The following CADM2 variants were observed in gnomAD, a reference collection of about 807,000 sequenced individuals.
CADM2 encodes cell adhesion molecule 2, also known as immunoglobulin superfamily member 4D.
In CADM2, 12 loss-of-function variants were observed where a neutral mutation model predicts 49.8. That is an observed-to-expected ratio of 0.24 (90% confidence interval 0.15 to 0.39). CADM2 has a LOEUF of 0.39. Among genes scored for constraint, CADM2 ranks in the 10% least tolerant of loss-of-function variants. CADM2 has a pLI of 1.00. For missense variants in CADM2, 378 were observed against 492.3 expected, an observed-to-expected ratio of 0.77 and a Z score of 2.20; for synonymous variants, 214 against 175.4, an observed-to-expected ratio of 1.22 and a Z score of -1.74.
At chr3:85,707,393 C>CTTTTTT (rs34006416) in intron 1 of CADM2, among the ~76,000 whole-genome samples, 1 of 128,664 alleles carries the variant, frequency 7.8e-6, no homozygotes, top group African/African-American at 2.9e-5. Flanking sequence ...ATCATTGTAT[C>CTTTTTT]TTTTTTTTTT....
chr3:86,014,186 TATAA>T (rs1434823848), intron 8 of CADM2: 54 of 1,293,656 alleles, frequency 4.2e-5, no homozygotes, highest in Non-Finnish European at 5.4e-5. Context: ...GTTCAGATGG[TATAA>T]ATAGTGACAC....
At chr3:85,862,350 G>C (rs147385526) in intron 3 of CADM2, among the ~76,000 whole-genome samples, 57 of 152,154 alleles carry the variant, frequency 3.7e-4, no homozygotes, top group African/African-American at 1.3e-3. Context: ...TCTCTAACTA[G>C]ATGATTCTAA....
chr3:85,611,750 C>T (rs908025940), intron 1 of CADM2, among the ~76,000 whole-genome samples: 13 of 149,682 alleles, frequency 8.7e-5, no homozygotes, highest in Admixed American at 6.7e-4. Context: ...TTTGGTAAGC[C>T]GTTGAAGCAC....
At chr3:85,665,094 G>A (rs1007440377) in intron 1 of CADM2, among the ~76,000 whole-genome samples, 1 of 151,910 alleles carries the variant, frequency 6.6e-6, no homozygotes, top group Non-Finnish European at 1.5e-5. Context: ...TGCATTAGGA[G>A]CTGTTATTAT....
chr3:85,328,465 A>G (rs1304193798), intron 1 of CADM2, among the ~76,000 whole-genome samples: 2 of 152,194 alleles, frequency 1.3e-5, no homozygotes, highest in Admixed American at 1.3e-4. Flanking sequence ...TCTGATGCTA[A>G]TTGGAATGCT....
At chr3:85,932,285 C>T (rs1040099020) in intron 6 of CADM2, among the ~76,000 whole-genome samples, 1 of 152,150 alleles carries the variant, frequency 6.6e-6, no homozygotes, top group Admixed American at 6.6e-5. Context: ...GAAGGAGAAA[C>T]GTTGGGGAAA....
chr3:85,021,255 A>G (rs1167555397), intron 1 of CADM2, among the ~76,000 whole-genome samples: 2 of 152,164 alleles, frequency 1.3e-5, no homozygotes, highest in African/African-American at 4.8e-5. Flanking sequence ...AGAAGCACAG[A>G]TTCTTGCTTT....
chr3:85,720,242 GT>G (rs1285385235), intron 1 of CADM2, among the ~76,000 whole-genome samples: 1 of 152,092 alleles, frequency 6.6e-6, no homozygotes, highest in Admixed American at 6.6e-5. Context: ...GACTTTGGAA[GT>G]TCAATGTAGA....
intron 1 of CADM2, among the ~76,000 whole-genome samples, chr3:85,602,643 C>A (rs548795180): frequency 6.6e-6 from 1 of 151,776 alleles, no homozygotes; most frequent in East Asian, 1.9e-4. Flanking sequence ...AATGCTTATA[C>A]CTGTATTTGA....
chr3:85,920,150 A>T (rs1718911659), intron 6 of CADM2, among the ~76,000 whole-genome samples: 1 of 151,856 alleles, frequency 6.6e-6, no homozygotes, highest in South Asian at 2.1e-4. Context: ...GTTTCAGGAT[A>T]TATCAGCTTA....
chr3:85,639,658 T>G (rs2064644076), intron 1 of CADM2, among the ~76,000 whole-genome samples: 1 of 152,166 alleles, frequency 6.6e-6, no homozygotes, highest in South Asian at 2.1e-4. Context: ...TTATGTTATT[T>G]TATTAGTAAC....
At chr3:85,662,901 T>C (rs2065452818) in intron 1 of CADM2, among the ~76,000 whole-genome samples, 1 of 152,082 alleles carries the variant, frequency 6.6e-6, no homozygotes, top group Non-Finnish European at 1.5e-5. Flanking sequence ...ACCCATATTA[T>C]ACCACACAAG....
chr3:85,759,406 C>T (rs978915309), intron 2 of CADM2, among the ~76,000 whole-genome samples: 15 of 152,130 alleles, frequency 9.9e-5, no homozygotes, highest in South Asian at 2.1e-4. Flanking sequence ...TACAGTATAA[C>T]GCAATGCAAC....
chr3:85,121,440 A>G (rs1445322007), intron 1 of CADM2, among the ~76,000 whole-genome samples: 1 of 152,172 alleles, frequency 6.6e-6, no homozygotes, highest in Non-Finnish European at 1.5e-5. Flanking sequence ...GTAAGTGACA[A>G]TCACTAAGAG....
intron 8 of CADM2, among the ~76,000 whole-genome samples, chr3:86,050,315 G>A (rs1013473760): frequency 5.3e-5 from 8 of 152,160 alleles, no homozygotes; most frequent in Admixed American, 2.6e-4. Context: ...CTAAAGCCTC[G>A]AGCAGCTCCA....
chr3:85,167,801 A>G (rs2040510944), intron 1 of CADM2, among the ~76,000 whole-genome samples: 1 of 152,172 alleles, frequency 6.6e-6, no homozygotes, highest in African/African-American at 2.4e-5. Flanking sequence ...TAAAAAGTAA[A>G]TCAGAGAGAA....
chr3:85,723,744 CATT>C (rs891496130), intron 1 of CADM2, among the ~76,000 whole-genome samples: 2 of 152,022 alleles, frequency 1.3e-5, no homozygotes. Context: ...CTTTATCCAT[CATT>C]ATTTCACTAA....
chr3:85,703,224 C>T (rs1368901894), intron 1 of CADM2, among the ~76,000 whole-genome samples: 2 of 151,988 alleles, frequency 1.3e-5, no homozygotes, highest in Non-Finnish European at 2.9e-5. Context: ...AGAGTTCTTC[C>T]CTCAAACCCC....
chr3:85,272,541 G>T (rs1310855011), intron 1 of CADM2, among the ~76,000 whole-genome samples: 3 of 151,350 alleles, frequency 2.0e-5, no homozygotes, highest in African/African-American at 7.2e-5. Flanking sequence ...ATAGAAGAAT[G>T]ATATTAAATA....
Sources: allele counts gnomAD v4.1 joint callset (sites outside exome capture counted in the v4.1 genomes callset), GRCh38; gene constraint gnomAD v4.1.1; transcripts MANE v1.5; gene names NCBI Gene and HGNC (gene_info 2026-07-23, HGNC 2026-07-21).